The following PTPRD variants were observed in gnomAD, a reference collection of about 807,000 sequenced individuals.
PTPRD encodes protein tyrosine phosphatase receptor type D.
PTPRD carries 34 observed loss-of-function variants against 214.5 expected under a neutral mutation model. That is an observed-to-expected ratio of 0.16 (90% CI 0.12 to 0.21). The LOEUF (loss-of-function observed/expected upper bound fraction) is 0.21. PTPRD is among the 10% of genes least tolerant of loss of function. The pLI is 1.00. For synonymous variants in PTPRD, 1,128 were observed against 845.7 expected, an observed-to-expected ratio of 1.33 and a Z score of -5.79; for missense variants, 2,545 against 2,398.7, an observed-to-expected ratio of 1.06 and a Z score of -1.27.
At chr9:9,346,012 C>T (rs2048654583) in intron 9 of PTPRD, among the ~76,000 whole-genome samples, 1 of 152,054 alleles carries the variant, frequency 6.6e-6, no homozygotes, top group African/African-American at 2.4e-5. Flanking sequence ...GAAAGTACAA[C>T]ACGAAAAAAG....
At chr9:10,118,899 T>TA (rs369774094) in intron 3 of PTPRD, among the ~76,000 whole-genome samples, 2,800 of 144,878 alleles carry the variant, frequency 0.019, 66 homozygotes, top group African/African-American at 0.064. Context: ...AATAAATAAA[T>TA]AATAATAAAG....
chr9:8,584,132 C>T (rs1347067907), intron 14 of PTPRD, among the ~76,000 whole-genome samples: 1 of 151,938 alleles, frequency 6.6e-6, no homozygotes. Flanking sequence ...CCAGCCTGCA[C>T]AACAGAGTGA....
intron 3 of PTPRD, among the ~76,000 whole-genome samples, chr9:10,144,893 T>C (rs182176270): frequency 6.6e-6 from 1 of 151,880 alleles, no homozygotes; most frequent in Admixed American, 6.6e-5. Flanking sequence ...AAATTAAAAA[T>C]AAAATTAGTA....
chr9:10,060,871 TCCTTC>T (rs2097758908), intron 3 of PTPRD, among the ~76,000 whole-genome samples: 2 of 71,182 alleles, frequency 2.8e-5, no homozygotes, highest in African/African-American at 3.2e-4. Context: ...CTTCCTTCTT[TCCTTC>T]CTTCCTTCCT....
At chr9:8,734,045 G>C (rs1403309252) in intron 11 of PTPRD, 99 bp from the exon 12 acceptor site, 7 of 593,520 alleles carry the variant, frequency 1.2e-5, no homozygotes, top group Non-Finnish European at 2.1e-5. Context: ...CACCATGACA[G>C]ACACAATCCA....
intron 3 of PTPRD, among the ~76,000 whole-genome samples, chr9:10,151,025 G>A (rs176710): frequency 0.1 from 15,522 of 147,932 alleles, 1,173 homozygotes; most frequent in Non-Finnish European, 0.16. Flanking sequence ...ATATTTGGGT[G>A]TATGAGTGTA....
At position 8,480,777 on chromosome 9, in the gene PTPRD, C is replaced by T. The variant is rs1048025290; in HGVS notation, c.3413+3342G>A. ...ATACACAAATCAAGGAATATAATCC[C>T]GCTGTCATACTGAAATTGCTTGGGA... is the stretch of plus-strand genomic sequence containing the variant. On this transcript the variant is annotated intron_variant, in intron 30 of 45. Coordinates refer to ENST00000381196, the MANE Select transcript of PTPRD (RefSeq NM_002839.4). Among the ~76,000 whole-genome samples, 73 of 152,138 alleles carry T rather than the reference C, an allele frequency of 4.8e-4. 1 individual carries two copies. The highest frequency in any genetic ancestry group is 6.2e-4 in the South Asian group (3 of 4,820).
intron 17 of PTPRD, among the ~76,000 whole-genome samples, chr9:8,525,577 C>T (rs1234160579): frequency 6.6e-6 from 1 of 152,078 alleles, no homozygotes; most frequent in East Asian, 1.9e-4. Flanking sequence ...CTTAAAGAAA[C>T]AAAACTCCCT....
At chr9:9,493,848 A>G (rs2096044460) in intron 8 of PTPRD, among the ~76,000 whole-genome samples, 1 of 151,988 alleles carries the variant, frequency 6.6e-6, no homozygotes, top group African/African-American at 2.4e-5. Flanking sequence ...GTAAGGTTAT[A>G]TCTATCATAG....
chr9:8,787,400 C>G (rs562582156), intron 11 of PTPRD, among the ~76,000 whole-genome samples: 1 of 152,132 alleles, frequency 6.6e-6, no homozygotes, highest in African/African-American at 2.4e-5. Flanking sequence ...TCATTTCTGA[C>G]GATGACAATT....
At chr9:9,384,452 C>G (rs539382947) in intron 9 of PTPRD, among the ~76,000 whole-genome samples, 1 of 132,990 alleles carries the variant, frequency 7.5e-6, no homozygotes, top group African/African-American at 2.8e-5. Context: ...ATGAATCTAA[C>G]ACTAATCACC....
intron 14 of PTPRD, among the ~76,000 whole-genome samples, chr9:8,579,994 T>C (rs1252076231): frequency 6.6e-6 from 1 of 152,194 alleles, no homozygotes; most frequent in Non-Finnish European, 1.5e-5. Flanking sequence ...GTGGTAGCTA[T>C]GAACATTCAT....
chr9:10,276,316 C>A (rs7874027), intron 3 of PTPRD, among the ~76,000 whole-genome samples: 77,349 of 151,958 alleles, frequency 0.51, 20,677 homozygotes, highest in East Asian at 0.74. Context: ...CCTGCACATT[C>A]CTTCCTTTCT....
At chr9:9,774,105 G>A (rs191044573) in intron 5 of PTPRD, among the ~76,000 whole-genome samples, 37 of 152,276 alleles carry the variant, frequency 2.4e-4, no homozygotes, top group African/African-American at 8.7e-4. Flanking sequence ...CTCAAAATGA[G>A]TTATACTGAC....
At chr9:8,533,715 C>G (rs191342056) in intron 14 of PTPRD, among the ~76,000 whole-genome samples, 202 of 152,088 alleles carry the variant, frequency 1.3e-3, no homozygotes, top group Admixed American at 3.7e-3. Context: ...AGTGTGAACT[C>G]TTACAAGCTC....
intron 10 of PTPRD, among the ~76,000 whole-genome samples, chr9:9,149,637 G>C (rs554402408): frequency 1.3e-5 from 2 of 152,142 alleles, no homozygotes; most frequent in Non-Finnish European, 2.9e-5. Flanking sequence ...ATCCAAGTAG[G>C]TGATAACAAC....
intron 8 of PTPRD, among the ~76,000 whole-genome samples, chr9:9,495,072 GT>G (rs1297611196): frequency 6.6e-6 from 1 of 152,030 alleles, no homozygotes; most frequent in African/African-American, 2.4e-5. Context: ...GGAAACTATA[GT>G]CTTTTCAATA....
At chr9:9,232,295 T>G (rs1288153957) in intron 9 of PTPRD, among the ~76,000 whole-genome samples, 1 of 152,186 alleles carries the variant, frequency 6.6e-6, no homozygotes, top group Non-Finnish European at 1.5e-5. Context: ...CACTACATTA[T>G]TACATGCTGT....
chr9:9,107,813 GGATT>G (rs2099800799), intron 10 of PTPRD, among the ~76,000 whole-genome samples: 1 of 152,070 alleles, frequency 6.6e-6, no homozygotes. Context: ...GTCACCTTCA[GGATT>G]GATGACTCAA....
Sources: gnomAD v4.1 joint callset for allele counts (sites outside exome capture counted in the v4.1 genomes callset) on GRCh38, gnomAD v4.1.1 for gene constraint, MANE v1.5 for transcripts, NCBI Gene and HGNC (gene_info 2026-07-23, HGNC 2026-07-21) for gene names.